RAD17: variants seen among roughly 807,000 people sequenced by gnomAD.
RAD17 encodes the protein RAD17 checkpoint clamp loader component.
A neutral mutation model predicts 81.5 loss-of-function variants in RAD17; 31 were observed. That is an observed-to-expected ratio of 0.38 (90% confidence interval 0.29 to 0.51). The LOEUF (loss-of-function observed/expected upper bound fraction) is 0.51. Ranked by LOEUF, RAD17 falls within the 20% of genes least tolerant of loss-of-function variation. RAD17 has a pLI of 0.88. For synonymous variants in RAD17, 261 were observed against 266.2 expected (o/e 0.98, Z 0.19); for missense variants, 681 against 781.2 (o/e 0.87, Z 1.53).
chr5:69,410,609 C>A, intron 18 of RAD17, 59 bp downstream of exon 18: 1 of 1,437,030 alleles, frequency 7.0e-7, no homozygotes, highest in South Asian at 1.2e-5. Context: ...TGAATATGTT[C>A]AGTATGAATC....
In RAD17 at chr5:69,393,498, AAT is replaced by A; in HGVS notation, c.1421_1422del (p.Arg476LeufsTer7). The A allele has an allele frequency of 6.3e-7, 1 of 1,594,390 alleles. No individual in the cohort carries two copies. Reference sequence around the variant, plus strand: ...TGCAGATATCCTCAGTGGTGACTGGAATGTAAGACCATTTGACTTAAAATGTT... The same window carrying A: ...TGCAGATATCCTCAGTGGTGACTGGAGTAAGACCATTTGACTTAAAATGTT... ...SFADILSGDW[N>X]TRSLLREYST... On this transcript the variant is annotated frameshift_variant and splice_region_variant, in exon 15 of 19. Transcript: ENST00000354868. LOFTEE classifies it high-confidence loss of function.
intron 17 of RAD17, among the ~76,000 whole-genome samples, chr5:69,402,294 GC>G (rs1270489212): frequency 2.0e-5 from 3 of 151,678 alleles, no homozygotes; most frequent in Non-Finnish European, 4.4e-5. Flanking sequence ...TAAGTGATCT[GC>G]CCACCTCGGA....
intron 18 of RAD17, among the ~76,000 whole-genome samples, chr5:69,413,086 T>G (rs1317959993): frequency 6.6e-6 from 1 of 152,206 alleles, no homozygotes; most frequent in Non-Finnish European, 1.5e-5. Context: ...ATTTGTTTTA[T>G]AAGTTGTCCA....
At chr5:69,410,371 C>T in intron 17 of RAD17, 122 bp from the exon 18 acceptor site, 2 of 700,432 alleles carry the variant, frequency 2.9e-6, no homozygotes, top group South Asian at 3.6e-5. Flanking sequence ...TGGTATCTCA[C>T]TATGGCTTGG....
At chr5:69,369,972 C>T in intron 1 of RAD17, 39 bp downstream of exon 1, 3 of 503,516 alleles carry the variant, frequency 6.0e-6, no homozygotes, top group Non-Finnish European at 1.0e-5. Context: ...ATGTATATGT[C>T]TTAGAGACGT....
chr5:69,385,966 C>G (rs1764186380), intron 8 of RAD17, 77 bp from the exon 9 acceptor site: 1 of 1,310,368 alleles, frequency 7.6e-7, no homozygotes, highest in Non-Finnish European at 1.0e-6. Context: ...TTTTGCCTAC[C>G]TCAATAAATA....
At position 69,376,486 on chromosome 5, in the gene RAD17, A is replaced by G. The variant is rs55754329; in HGVS notation, c.351+1775A>G. 6.4e-3 allele frequency among the ~76,000 whole-genome samples: 970 copies of G among 152,332 alleles called. 8 individuals are homozygous for G. Among genetic ancestry groups the G allele is most frequent in the African/African-American group, 0.022 (918 of 41,576 alleles). On this transcript the variant is annotated intron_variant, in intron 6 of 18. Transcript: ENST00000354868. ...TTTGTATCTTTTCCTTTTTTAAAAA[A>G]TAGACTTATTTTTGGAGCAGTTTTA... is the stretch of plus-strand genomic sequence containing the variant.
intron 11 of RAD17, among the ~76,000 whole-genome samples, chr5:69,388,215 G>C (rs1409830041): frequency 6.6e-6 from 1 of 152,044 alleles, no homozygotes; most frequent in Admixed American, 6.6e-5. Flanking sequence ...GAATTGATTA[G>C]TTCAAGTGGC....
chr5:69,399,725 T>C (rs972498691), intron 16 of RAD17, among the ~76,000 whole-genome samples: 2 of 152,168 alleles, frequency 1.3e-5, no homozygotes, highest in African/African-American at 4.8e-5. Context: ...TTGAAAACTA[T>C]TTTCGTGTAA....
At position 69,371,450 on chromosome 5, in the gene RAD17, C is replaced by T. The variant is rs1217050580; in HGVS notation, c.-279-4C>T. The T allele has an allele frequency of 1.3e-4, 29 of 229,284 alleles. 4 individuals carry two copies. The highest frequency in any genetic ancestry group is 1.9e-4 in the Non-Finnish European group (23 of 118,982). The allele number at this position is 229,284 out of a possible 1,614,324, so 14.2% of individuals were successfully genotyped here. A position where few individuals can be genotyped will look rare whatever the true frequency, so the allele number is the denominator to read the frequency against. On this transcript the variant is annotated splice_polypyrimidine_tract_variant and splice_region_variant and intron_variant, in intron 2 of 18. Coordinates refer to ENST00000354868, the MANE Select transcript of RAD17 (RefSeq NM_133338.3). ...TGAGGGCTTCTTCCCCCCCCCCCCC[C>T]CAGGTGAATTATAGTTTAATGTACT...
chr5:69,410,089 AT>A (rs1156639402), intron 17 of RAD17, among the ~76,000 whole-genome samples: 1 of 152,172 alleles, frequency 6.6e-6, no homozygotes, highest in Admixed American at 6.5e-5. Context: ...CCACCCATTG[AT>A]TATTGTTGAT....
intron 1 of RAD17, among the ~76,000 whole-genome samples, chr5:69,370,455 TTAGCCTCCAGAG>T (rs1200359823): frequency 2.6e-5 from 4 of 152,154 alleles, no homozygotes; most frequent in African/African-American, 9.7e-5. Flanking sequence ...TTCTCCTGCC[TTAGCCTCCAGAG>T]TAGCTGGGAT....
chr5:69,381,026 C>T (rs978742316), intron 6 of RAD17, among the ~76,000 whole-genome samples: 1 of 152,084 alleles, frequency 6.6e-6, no homozygotes, highest in Non-Finnish European at 1.5e-5. Context: ...GCCTCAGCCT[C>T]CCAAAATGCT....
At chr5:69,387,876 A>G (rs1169017896) in intron 11 of RAD17, among the ~76,000 whole-genome samples, 2 of 152,072 alleles carry the variant, frequency 1.3e-5, no homozygotes, top group Non-Finnish European at 2.9e-5. Context: ...AAGAAAAAAA[A>G]TTACCTGGGC....
chr5:69,381,518 C>T (rs1360405869), intron 6 of RAD17, among the ~76,000 whole-genome samples: 1 of 151,550 alleles, frequency 6.6e-6, no homozygotes, highest in Non-Finnish European at 1.5e-5. Context: ...GTTCAGGTAA[C>T]CTCTAAAAAT....
chr5:69,386,926 C>CT (rs377383013), intron 11 of RAD17, among the ~76,000 whole-genome samples: 66,881 of 138,452 alleles, frequency 0.48, 16,194 homozygotes, highest in South Asian at 0.54. Context: ...GCTGTTGTCA[C>CT]TTTTTTTTTT....
rs372559735 is a variant in RAD17 at position 69,389,796 on chromosome 5, A to G, written c.1006+651A>G. On this transcript the variant is annotated intron_variant, in intron 12 of 18. Transcript: ENST00000354868. The stretch of plus-strand genomic sequence containing the variant: ...GCTGGGACTACAGGCAGCTGCCACC[A>G]CGCCCAGCTAATTGTATTTTTAATA... 9.2e-5 allele frequency among the ~76,000 whole-genome samples: 14 copies of G among 152,200 alleles called. 1 individual carries two copies. The highest frequency in any genetic ancestry group is 3.4e-4 in the African/African-American group (14 of 41,530).
intron 17 of RAD17, among the ~76,000 whole-genome samples, chr5:69,405,528 G>A (rs1227613312): frequency 1.3e-5 from 2 of 152,064 alleles, no homozygotes; most frequent in African/African-American, 2.4e-5. Context: ...TTAGCTGGGC[G>A]TGGTGGCACA....
upstream of RAD17, chr5:69,369,799 G>A (rs566173780): frequency 8.4e-5 from 109 of 1,298,202 alleles, no homozygotes; most frequent in Admixed American, 1.1e-4. Context: ...CGACCAGTCT[G>A]GAAGGTCCCC....
Sources: allele counts gnomAD v4.1 joint callset (sites outside exome capture counted in the v4.1 genomes callset), GRCh38; gene constraint gnomAD v4.1.1; transcripts MANE v1.5; gene names NCBI Gene and HGNC (gene_info 2026-07-23, HGNC 2026-07-21).